Variants in EMC3 observed in about 807,000 individuals in gnomAD.
The protein encoded by EMC3 is ER membrane protein complex subunit 3, also known as 30 kDa protein.
Under a neutral mutation model 36.6 loss-of-function variants are expected in EMC3, and 13 were observed. The ratio of observed to expected loss-of-function variants is 0.35; its 90% CI spans 0.23 to 0.56. The LOEUF (loss-of-function observed/expected upper bound fraction) is 0.56, where lower values mean the gene tolerates loss of function less well. Among genes scored for constraint, EMC3 ranks in the 20% least tolerant of loss-of-function variants. The pLI, the probability that EMC3 is intolerant of heterozygous loss-of-function variation, is 0.84. For missense variants in EMC3, 220 were observed against 324.5 expected (o/e 0.68, Z 2.47); for synonymous variants, 120 against 111.9 (o/e 1.07, Z -0.46).
At chr3:9,994,367 G>A (rs979930914) in intron 1 of EMC3, 2 of 668,098 alleles carry the variant, frequency 3.0e-6, no homozygotes, top group Non-Finnish European at 5.4e-6. Flanking sequence ...ACAGAGGAAG[G>A]AAGAATCATC....
chr3:9,980,554 G>GT (rs71052282), intron 1 of EMC3, among the ~76,000 whole-genome samples: 23,956 of 130,822 alleles, frequency 0.18, 2,365 homozygotes, highest in South Asian at 0.26. Context: ...TGTTTTTTTT[G>GT]TTTTTTTTTT....
At chr3:9,978,547 A>T (rs998073976) in intron 1 of EMC3, among the ~76,000 whole-genome samples, 1 of 151,870 alleles carries the variant, frequency 6.6e-6, no homozygotes, top group Non-Finnish European at 1.5e-5. Context: ...TGTGCTTGGT[A>T]GGGGCCAGGC....
Position 9,963,652 on chromosome 3 carries a change from A to G in EMC3, c.*417T>C, listed in dbSNP as rs2085710438. ...CCACGCCCGGCTAATTTTTTTTTGT[A>G]TTTTTAGTAGAGATGGGGTTTCACC... On this transcript the variant is annotated 3_prime_UTR_variant, in exon 8 of 8. Transcript: ENST00000245046. 6.6e-6 allele frequency: 1 copy of G among 152,036 alleles called. No homozygotes were observed. The highest frequency in any genetic ancestry group is 2.5e-5 in the African/African-American group (1 of 40,722). 9.4% of individuals were successfully genotyped at this position (152,036 alleles called of 1,614,324 possible).
intron 1 of EMC3, among the ~76,000 whole-genome samples, chr3:9,981,107 T>A (rs1222214461): frequency 6.6e-6 from 1 of 152,096 alleles, no homozygotes; most frequent in East Asian, 1.9e-4. Context: ...CGGGAGGCTG[T>A]GGGAGGATCA....
At chr3:10,006,412 A>G (rs1480658857) in intron 1 of EMC3, 3 of 152,308 alleles carry the variant, frequency 2.0e-5, no homozygotes, top group Non-Finnish European at 4.4e-5. Flanking sequence ...TCAAGCCACA[A>G]TTCCTGCATT....
chr3:9,981,109 G>T (rs1004225446), intron 1 of EMC3, among the ~76,000 whole-genome samples: 4 of 152,190 alleles, frequency 2.6e-5, no homozygotes, highest in Admixed American at 6.5e-5. Flanking sequence ...GGAGGCTGTG[G>T]GAGGATCACT....
chr3:10,006,433 TC>T lies in EMC3; in HGVS notation c.-242+4589del, dbSNP rs1447873716. On this transcript the variant is annotated intron_variant, in intron 1 of 8. Coordinates refer to the EMC3 transcript ENST00000470827. ...CACAATTCCTGCATTTTACATTTCT[TC>T]TGTCTTTATTGTATTGCTTCAATTG... The T allele has an allele frequency of 2.6e-5, 4 of 152,414 alleles. No individual in the cohort carries two copies. In the East Asian group the frequency reaches 7.7e-4, roughly 29 times the overall value. 9.4% of individuals were successfully genotyped at this position (152,414 alleles called of 1,614,324 possible). A position where few individuals can be genotyped will look rare whatever the true frequency, so the allele number is the denominator to read the frequency against.
At chr3:10,005,579 T>C (rs1488913453) in intron 1 of EMC3, among the ~76,000 whole-genome samples, 1 of 152,204 alleles carries the variant, frequency 6.6e-6, no homozygotes, top group Non-Finnish European at 1.5e-5. Context: ...CCACCACTTC[T>C]TGCCCTTCAA....
Position 9,979,051 on chromosome 3 carries a change from C to T in EMC3, c.156-1605G>A, listed in dbSNP as rs141614214. Among the ~76,000 whole-genome samples, 18 of 152,318 alleles carry T rather than the reference C, an allele frequency of 1.2e-4. No individual in the cohort carries two copies. In the East Asian group the frequency reaches 3.1e-3, roughly 26 times the overall value. On this transcript the variant is annotated intron_variant, in intron 1 of 7. Transcript: ENST00000245046. ...ACATCTTCAAGTCTCAGCATCTCCA[C>T]GAAGCTTTTCCCAATGCCTGGAGCC... is the stretch of plus-strand genomic sequence containing the variant.
At chr3:9,983,214 C>CT (rs2085930806) in intron 1 of EMC3, among the ~76,000 whole-genome samples, 1 of 151,378 alleles carries the variant, frequency 6.6e-6, no homozygotes, top group South Asian at 2.1e-4. Flanking sequence ...GTGCAGCCAT[C>CT]TCGGCTCTCT....
At chr3:9,994,258 G>C in intron 1 of EMC3, 3 of 1,204,374 alleles carry the variant, frequency 2.5e-6, no homozygotes, top group South Asian at 1.3e-5. Context: ...GACTAGAGTA[G>C]AATTTCATTT....
At chr3:10,000,524 C>G (rs538772466) in intron 1 of EMC3, 29 of 234,044 alleles carry the variant, frequency 1.2e-4, no homozygotes, top group Admixed American at 6.0e-4. Context: ...AACTGCCCAA[C>G]AAAATATTCT....
At chr3:9,969,463 T>C in intron 7 of EMC3, 15 of 1,370,250 alleles carry the variant, frequency 1.1e-5, no homozygotes, top group Non-Finnish European at 1.3e-5. Context: ...TCCGATTGGA[T>C]TATTTTACAG....
chr3:9,987,853 A>G (rs2085996374), upstream of EMC3: 4 of 697,808 alleles, frequency 5.7e-6, no homozygotes, highest in Non-Finnish European at 1.1e-5. Context: ...ACTGGACTGT[A>G]CCTACCCACT....
At chr3:9,988,214 A>C (rs1026960369), upstream of EMC3, among the ~76,000 whole-genome samples, 5 of 152,222 alleles carry the variant, frequency 3.3e-5, no homozygotes, top group African/African-American at 1.2e-4. Context: ...AGCCATTCAG[A>C]TCAATCCCAG....
At chr3:9,977,485 G>T in intron 1 of EMC3, 39 bp from the exon 2 acceptor site, 2 of 1,581,010 alleles carry the variant, frequency 1.3e-6, no homozygotes, top group Non-Finnish European at 1.7e-6. Context: ...TTTAAAAAGT[G>T]AAACACTAGA....
chr3:9,979,097 T>G (rs904770040), intron 1 of EMC3, among the ~76,000 whole-genome samples: 4 of 152,098 alleles, frequency 2.6e-5, no homozygotes, highest in Non-Finnish European at 4.4e-5. Flanking sequence ...TCTCTCTGCT[T>G]CCTCCTCCTG....
At chr3:9,991,786 A>G (rs1215443860), upstream of EMC3, among the ~76,000 whole-genome samples, 1 of 152,160 alleles carries the variant, frequency 6.6e-6, no homozygotes, top group Non-Finnish European at 1.5e-5. Flanking sequence ...TTTTGGCACC[A>G]GGGACTGGTT....
chr3:9,988,050 G>A, upstream of EMC3: 2 of 664,600 alleles, frequency 3.0e-6, no homozygotes, highest in South Asian at 1.6e-5. Context: ...CCTCACATAG[G>A]ATGTCACAGT....
Sources: gnomAD v4.1 joint callset for allele counts (sites outside exome capture counted in the v4.1 genomes callset) on GRCh38, gnomAD v4.1.1 for gene constraint, MANE v1.5 for transcripts, NCBI Gene and HGNC (gene_info 2026-07-23, HGNC 2026-07-21) for gene names.